CARS2: variants seen among roughly 807,000 people sequenced by gnomAD.
The protein encoded by CARS2 is probable cysteine--tRNA ligase, mitochondrial.
Under a neutral mutation model 68.8 loss-of-function variants are expected in CARS2, and 52 were observed. The ratio of observed to expected loss-of-function variants is 0.76; its 90% CI spans 0.61 to 0.95. The LOEUF (loss-of-function observed/expected upper bound fraction) is 0.95, where lower values mean the gene tolerates loss of function less well. Ranked by LOEUF, CARS2 falls within the 40% of genes least tolerant of loss-of-function variation. The pLI, the probability that CARS2 is intolerant of heterozygous loss-of-function variation, is 0.00. For missense variants in CARS2, 780 were observed against 754.2 expected (o/e 1.03, Z -0.40); for synonymous variants, 314 against 303.6 (o/e 1.03, Z -0.36).
chr13:110,666,554 C>T (rs367990960), intron 8 of CARS2: 2 of 985,236 alleles, frequency 2.0e-6, no homozygotes, highest in African/African-American at 3.5e-5. Flanking sequence ...CAATCAGCCT[C>T]ATGTACTTTC....
upstream of CARS2, chr13:110,707,407 G>A (rs571337814): frequency 2.0e-4 from 30 of 152,346 alleles, no homozygotes; most frequent in African/African-American, 7.0e-4. Context: ...AGCACTTTGG[G>A]AGGCTGAGGC....
chr13:110,681,880 A>G (rs1042644491), intron 6 of CARS2, among the ~76,000 whole-genome samples: 5 of 152,238 alleles, frequency 3.3e-5, no homozygotes, highest in Non-Finnish European at 4.4e-5. Flanking sequence ...GCAAAACTAG[A>G]GACTGTAGAA....
At chr13:110,678,304 G>A (rs113790522) in intron 6 of CARS2, among the ~76,000 whole-genome samples, 92 of 152,260 alleles carry the variant, frequency 6.0e-4, no homozygotes, top group African/African-American at 2.1e-3. Flanking sequence ...TTATGGACCC[G>A]AGACTCTGAG....
intron 14 of CARS2, 100 bp from the exon 15 acceptor site, chr13:110,641,708 C>A: frequency 1.0e-6 from 1 of 954,706 alleles, no homozygotes. Context: ...GTTCCCTCAC[C>A]GGCCTGTCCT....
intron 3 of CARS2, 152 bp from the exon 4 acceptor site, chr13:110,688,170 A>G: frequency 1.9e-6 from 1 of 526,508 alleles, no homozygotes; most frequent in Non-Finnish European, 3.4e-6. Context: ...CCCACTCACC[A>G]AAGCGGGGGC....
At chr13:110,666,852 C>A in intron 8 of CARS2, 1 of 985,394 alleles carries the variant, frequency 1.0e-6, no homozygotes. Flanking sequence ...TCCAGTGCAT[C>A]CAAGTGAATT....
chr13:110,713,116 A>G, intron 1 of CARS2: 1 of 1,430,316 alleles, frequency 7.0e-7, no homozygotes, highest in South Asian at 1.5e-5. Context: ...TAGTAGTAAG[A>G]GTCCGGGGGG....
chr13:110,665,189 A>G lies in CARS2; in HGVS notation c.920-1671T>C, dbSNP rs7984290. The G allele has an allele frequency of 0.83, 814,201 of 983,534 alleles. 338,369 individuals are homozygous for G. Among genetic ancestry groups the G allele is most frequent in the East Asian group, 0.85 (7,477 of 8,798 alleles). The allele number at this position is 983,534 out of a possible 1,614,324, so 60.9% of individuals were successfully genotyped here. On this transcript the variant is annotated intron_variant, in intron 8 of 14. Coordinates refer to ENST00000257347, the MANE Select transcript of CARS2 (RefSeq NM_024537.4). The surrounding 1 kb of genome is among the most constrained non-coding windows in gnomAD (Gnocchi z 4.3). ...CCACCACGTGCAGTGGCTCACGCCT[A>G]TAATCCCAGCACTTTGGGAGGCAGA...
intron 6 of CARS2, among the ~76,000 whole-genome samples, chr13:110,678,412 A>G (rs2063035519): frequency 6.6e-6 from 1 of 152,120 alleles, no homozygotes; most frequent in Non-Finnish European, 1.5e-5. Context: ...CATGTGCACA[A>G]CGTCCCAATA....
intron 4 of CARS2, 58 bp downstream of exon 4, chr13:110,687,889 G>C: frequency 6.4e-7 from 1 of 1,557,458 alleles, no homozygotes; most frequent in South Asian, 1.1e-5. Flanking sequence ...GCCAGCACCA[G>C]CTGTCATTGC....
intron 5 of CARS2, among the ~76,000 whole-genome samples, chr13:110,687,188 C>T (rs891286600): frequency 1.8e-4 from 28 of 152,146 alleles, no homozygotes; most frequent in South Asian, 4.2e-4. Flanking sequence ...GCTGTCCAGA[C>T]GTTCCCCTCT....
chr13:110,696,729 T>C (rs1335758239), intron 3 of CARS2, among the ~76,000 whole-genome samples: 1 of 152,244 alleles, frequency 6.6e-6, no homozygotes, highest in Non-Finnish European at 1.5e-5. Context: ...TACCAAGTTT[T>C]TCATATTCTA....
intron 3 of CARS2, among the ~76,000 whole-genome samples, chr13:110,700,521 C>T (rs2063753801): frequency 6.6e-6 from 1 of 152,212 alleles, no homozygotes; most frequent in South Asian, 2.1e-4. Flanking sequence ...CAACAATGGC[C>T]ACGAGGAAAC....
At chr13:110,650,904 T>G (rs900265654) in intron 10 of CARS2, 130 bp downstream of exon 10, 1 of 694,642 alleles carries the variant, frequency 1.4e-6, no homozygotes, top group African/African-American at 1.8e-5. Context: ...ACCCGAACCG[T>G]AAGGCACACA....
rs1479747038 is a variant in CARS2 at position 110,676,715 on chromosome 13, A to G, written c.785+259T>C. On this transcript the variant is annotated intron_variant, in intron 7 of 14. Transcript: ENST00000257347. The surrounding 1 kb of genome is among the most constrained non-coding windows in gnomAD (Gnocchi z 4.0). ...CCACTACAGAGAAGGGTGAGGGAAC[A>G]GGGCAGCTGCAAGTGTGAACCAAAA... Among the ~76,000 whole-genome samples the G allele has an allele frequency of 2.0e-5, 3 of 152,142 alleles. No homozygotes were observed. Among genetic ancestry groups the G allele is most frequent in the Non-Finnish European group, 4.4e-5 (3 of 68,002 alleles).
chr13:110,695,072 C>G (rs1445117794), intron 3 of CARS2, among the ~76,000 whole-genome samples: 1 of 152,040 alleles, frequency 6.6e-6, no homozygotes, highest in Non-Finnish European at 1.5e-5. Flanking sequence ...TGCTTGAGCC[C>G]AGGAATTAGA....
At chr13:110,704,732 C>T (rs915639909) in intron 2 of CARS2, among the ~76,000 whole-genome samples, 1 of 151,332 alleles carries the variant, frequency 6.6e-6, no homozygotes, top group African/African-American at 2.4e-5. Flanking sequence ...AGAGCGACTC[C>T]GTCTCAAGAA....
chr13:110,682,820 G>T (rs1594356200), intron 6 of CARS2, among the ~76,000 whole-genome samples: 1 of 152,316 alleles, frequency 6.6e-6, no homozygotes, highest in East Asian at 1.9e-4. Flanking sequence ...AGGGAATGGA[G>T]CCAGGCACGC....
chr13:110,690,453 C>T (rs2063425169), intron 3 of CARS2, among the ~76,000 whole-genome samples: 1 of 152,140 alleles, frequency 6.6e-6, no homozygotes, highest in African/African-American at 2.4e-5. Context: ...GCCCATTCCA[C>T]ACTCTGCTCT....
Sources: gnomAD v4.1 joint callset for allele counts (sites outside exome capture counted in the v4.1 genomes callset) on GRCh38, gnomAD v4.1.1 for gene constraint, Gnocchi (gnomAD v3.1) non-coding constraint, MANE v1.5 for transcripts, NCBI Gene and HGNC (gene_info 2026-07-23, HGNC 2026-07-21) for gene names.